Variants in RALYL observed in about 807,000 individuals in gnomAD.
The protein encoded by RALYL is RALY RNA binding protein like, also known as RNA-binding Raly-like protein.
In RALYL, 29 loss-of-function variants were observed where a neutral mutation model predicts 35.1. The ratio of observed to expected loss-of-function variants is 0.83; its 90% confidence interval spans 0.61 to 1.13. RALYL has a LOEUF of 1.13. Among genes scored for constraint, RALYL ranks in the 50% most tolerant of loss-of-function variants. The probability of loss-of-function intolerance (pLI) is 0.00; values close to 1 mark genes in which losing one functional copy is unlikely to be tolerated. For synonymous variants in RALYL, 120 were observed against 127.6 expected (o/e 0.94, Z 0.40); for missense variants, 359 against 360.4 (o/e 1.00, Z 0.03).
intron 1 of RALYL, among the ~76,000 whole-genome samples, chr8:84,208,060 C>A (rs983965030): frequency 6.6e-6 from 1 of 151,942 alleles, no homozygotes; most frequent in East Asian, 1.9e-4. Context: ...TAGTAAAGAA[C>A]GGATCAAAGC....
At chr8:84,255,977 A>C (rs1462870621) in intron 1 of RALYL, among the ~76,000 whole-genome samples, 1 of 152,160 alleles carries the variant, frequency 6.6e-6, no homozygotes, top group Non-Finnish European at 1.5e-5. Flanking sequence ...ATTTAAAAAT[A>C]TTTTGAAAGG....
chr8:84,344,385 C>G (rs1849421934), intron 1 of RALYL, among the ~76,000 whole-genome samples: 1 of 151,586 alleles, frequency 6.6e-6, no homozygotes, highest in South Asian at 2.1e-4. Flanking sequence ...TGTAACATAC[C>G]TACATACTTT....
At chr8:84,795,643 T>C (rs954648380) in intron 3 of RALYL, among the ~76,000 whole-genome samples, 2 of 152,226 alleles carry the variant, frequency 1.3e-5, no homozygotes, top group Non-Finnish European at 2.9e-5. Context: ...GTACCTTCCA[T>C]TAGCACAAGT....
chr8:84,531,401 A>T (rs2059268547), intron 2 of RALYL, among the ~76,000 whole-genome samples: 1 of 152,114 alleles, frequency 6.6e-6, no homozygotes, highest in Admixed American at 6.5e-5. Flanking sequence ...ATCAGATAGG[A>T]ATATAGTTTT....
At chr8:84,860,723 C>A (rs893415244) in intron 5 of RALYL, among the ~76,000 whole-genome samples, 1 of 152,142 alleles carries the variant, frequency 6.6e-6, no homozygotes, top group Non-Finnish European at 1.5e-5. Context: ...GAAGATGGCA[C>A]CTCTCTTGAA....
chr8:84,578,070 C>T (rs1277841218), intron 2 of RALYL, among the ~76,000 whole-genome samples: 1 of 152,224 alleles, frequency 6.6e-6, no homozygotes, highest in African/African-American at 2.4e-5. Flanking sequence ...TGCCACCAGT[C>T]CAGATCCCAT....
chr8:84,242,581 G>C (rs1032978997), intron 1 of RALYL, among the ~76,000 whole-genome samples: 9 of 152,166 alleles, frequency 5.9e-5, no homozygotes, highest in South Asian at 2.1e-4. Flanking sequence ...TTTCTCTAAT[G>C]ATCAGTGATG....
intron 2 of RALYL, among the ~76,000 whole-genome samples, chr8:84,607,292 G>A (rs1689296078): frequency 6.6e-6 from 1 of 151,920 alleles, no homozygotes; most frequent in Non-Finnish European, 1.5e-5. Flanking sequence ...TCTGGCCAAA[G>A]TGCATTTATA....
intron 2 of RALYL, among the ~76,000 whole-genome samples, chr8:84,561,600 A>G (rs1049233741): frequency 6.6e-6 from 1 of 152,020 alleles, no homozygotes; most frequent in Non-Finnish European, 1.5e-5. Context: ...GAACAATTAT[A>G]ACAATATGCC....
chr8:84,605,054 T>A (rs1394747328), intron 2 of RALYL, among the ~76,000 whole-genome samples: 1 of 152,104 alleles, frequency 6.6e-6, no homozygotes, highest in Non-Finnish European at 1.5e-5. Flanking sequence ...AAAGATGAAT[T>A]TTTATTATAA....
intron 6 of RALYL, chr8:84,864,806 T>A: frequency 1.6e-6 from 1 of 616,560 alleles, no homozygotes; most frequent in Non-Finnish European, 3.1e-6. Context: ...GCAGCAGAGC[T>A]TCTGTGTAGT....
At chr8:84,824,178 T>A (rs549501362) in intron 4 of RALYL, among the ~76,000 whole-genome samples, 1 of 151,952 alleles carries the variant, frequency 6.6e-6, no homozygotes, top group African/African-American at 2.4e-5. Context: ...AAAATCAGTG[T>A]ACAAAAATCA....
At chr8:84,218,541 G>T (rs776262462) in intron 1 of RALYL, among the ~76,000 whole-genome samples, 1 of 151,878 alleles carries the variant, frequency 6.6e-6, no homozygotes, top group Non-Finnish European at 1.5e-5. Flanking sequence ...GATTACTCTG[G>T]TGCAATATTT....
At chr8:84,856,909 T>C (rs966839051) in intron 5 of RALYL, among the ~76,000 whole-genome samples, 2 of 151,102 alleles carry the variant, frequency 1.3e-5, no homozygotes, top group Non-Finnish European at 3.0e-5. Context: ...GCGCCTGTAG[T>C]CCCAGCTACT....
intron 3 of RALYL, among the ~76,000 whole-genome samples, chr8:84,788,688 C>A (rs1820108225): frequency 6.6e-6 from 1 of 152,076 alleles, no homozygotes; most frequent in African/African-American, 2.4e-5. Flanking sequence ...GTCCAGTGAC[C>A]CTGTGTGGAG....
intron 1 of RALYL, among the ~76,000 whole-genome samples, chr8:84,401,173 A>T (rs2042847525): frequency 2.0e-5 from 3 of 152,174 alleles, no homozygotes. Context: ...AGTTATGTCA[A>T]GGGTGTCCAT....
intron 2 of RALYL, among the ~76,000 whole-genome samples, chr8:84,532,257 A>C (rs1046071518): frequency 1.6e-4 from 24 of 152,072 alleles, no homozygotes; most frequent in Non-Finnish European, 3.2e-4. Flanking sequence ...CTATGTTGCT[A>C]GAAACTCAGG....
At chr8:84,228,169 A>G (rs1824426096) in intron 1 of RALYL, among the ~76,000 whole-genome samples, 1 of 152,118 alleles carries the variant, frequency 6.6e-6, no homozygotes, top group South Asian at 2.1e-4. Flanking sequence ...AAAAAAAAAA[A>G]AAAAAAATGT....
At chr8:84,592,512 C>G (rs1315640088) in intron 2 of RALYL, among the ~76,000 whole-genome samples, 2 of 152,030 alleles carry the variant, frequency 1.3e-5, no homozygotes, top group African/African-American at 4.8e-5. Flanking sequence ...GAAGTTTCTG[C>G]CATAATTACT....
Sources: allele counts gnomAD v4.1 joint callset (sites outside exome capture counted in the v4.1 genomes callset), GRCh38; gene constraint gnomAD v4.1.1; transcripts MANE v1.5; gene names NCBI Gene and HGNC (gene_info 2026-07-23, HGNC 2026-07-21).